Variants in SLC25A33 observed in about 807,000 individuals in gnomAD.
The protein encoded by SLC25A33 is bone marrow stromal cell mitochondrial carrier protein.
In SLC25A33, 15 loss-of-function variants were observed where a neutral mutation model predicts 35.5. The ratio of observed to expected loss-of-function variants is 0.42; its 90% CI spans 0.28 to 0.65. The LOEUF (loss-of-function observed/expected upper bound fraction) is 0.65. Ranked by LOEUF, SLC25A33 falls within the 30% of genes least tolerant of loss-of-function variation. SLC25A33 has a pLI of 0.20. For synonymous variants in SLC25A33, 136 were observed against 148.7 expected (o/e 0.91, Z 0.62); for missense variants, 257 against 398.5 (o/e 0.64, Z 3.02).
intron 1 of SLC25A33, among the ~76,000 whole-genome samples, chr1:9,549,996 C>CATAT (rs1314749490): frequency 0.053 from 3,778 of 71,706 alleles, 277 homozygotes; most frequent in South Asian, 0.11. Context: ...TTTTTCTATA[C>CATAT]ATATATATAT....
intron 2 of SLC25A33, among the ~76,000 whole-genome samples, chr1:9,560,282 C>A (rs1024091760): frequency 1.3e-5 from 2 of 149,738 alleles, no homozygotes; most frequent in Admixed American, 1.3e-4. Flanking sequence ...AGAAAAAAAA[C>A]CCATGCAAAT....
At chr1:9,551,923 C>CTA (rs907531766) in intron 1 of SLC25A33, among the ~76,000 whole-genome samples, 4 of 152,118 alleles carry the variant, frequency 2.6e-5, no homozygotes, top group African/African-American at 4.8e-5. Flanking sequence ...GAGGATGTGT[C>CTA]TATGGCCCTT....
At chr1:9,568,302 A>G (rs1460777683) in intron 3 of SLC25A33, among the ~76,000 whole-genome samples, 1 of 152,090 alleles carries the variant, frequency 6.6e-6, no homozygotes, top group African/African-American at 2.4e-5. Context: ...TCAGCCAGGC[A>G]TGGTGGCAGG....
At chr1:9,559,165 G>A (rs2100387724) in intron 2 of SLC25A33, among the ~76,000 whole-genome samples, 1 of 152,224 alleles carries the variant, frequency 6.6e-6, no homozygotes, top group South Asian at 2.1e-4. Flanking sequence ...ACTCCAGCCC[G>A]CCTTCCTGCT....
At chr1:9,569,478 T>G (rs913964225) in intron 3 of SLC25A33, among the ~76,000 whole-genome samples, 1 of 152,190 alleles carries the variant, frequency 6.6e-6, no homozygotes, top group African/African-American at 2.4e-5. Context: ...GCTCCTACAG[T>G]GTAACCCTGG....
At chr1:9,550,009 ATATT>A (rs1643241519) in intron 1 of SLC25A33, among the ~76,000 whole-genome samples, 1 of 51,864 alleles carries the variant, frequency 1.9e-5, no homozygotes, top group Non-Finnish European at 3.7e-5. Context: ...ATATATATAT[ATATT>A]TTTTTTTTTT....
At chr1:9,562,685 T>C (rs1334240502) in intron 2 of SLC25A33, among the ~76,000 whole-genome samples, 9 of 151,712 alleles carry the variant, frequency 5.9e-5, no homozygotes, top group African/African-American at 9.7e-5. Flanking sequence ...AGAAACCCTG[T>C]CTCTACTAAA....
chr1:9,562,854 C>CA (rs757742086), intron 2 of SLC25A33, among the ~76,000 whole-genome samples: 1,022 of 56,068 alleles, frequency 0.018, 14 homozygotes, highest in African/African-American at 0.052. Context: ...AACTCCGTTT[C>CA]AAAAAAAAAA....
chr1:9,544,853 C>T (rs1298630438), intron 1 of SLC25A33, among the ~76,000 whole-genome samples: 2 of 152,138 alleles, frequency 1.3e-5, no homozygotes, highest in Non-Finnish European at 2.9e-5. Flanking sequence ...GGAGCAGAGG[C>T]TGTTGTTGAA....
At chr1:9,551,543 T>G (rs890073455) in intron 1 of SLC25A33, among the ~76,000 whole-genome samples, 1 of 152,206 alleles carries the variant, frequency 6.6e-6, no homozygotes, top group African/African-American at 2.4e-5. Flanking sequence ...AGGCCTGTTT[T>G]TCCTTCCTGT....
intron 1 of SLC25A33, among the ~76,000 whole-genome samples, chr1:9,548,277 A>G (rs1277678870): frequency 1.3e-5 from 2 of 152,198 alleles, no homozygotes; most frequent in Non-Finnish European, 2.9e-5. Context: ...TATAAGACCT[A>G]TACACAAAAT....
In SLC25A33 at chr1:9,582,502, C is replaced by T. The variant is rs200121512; in HGVS notation, c.*1C>T. 81 of 1,609,220 alleles carry T rather than the reference C, an allele frequency of 5.0e-5. No homozygotes were observed. The East Asian group carries it at 1.1e-3, about 21-fold the overall frequency. On this transcript the variant is annotated 3_prime_UTR_variant, in exon 7 of 7. Coordinates refer to ENST00000302692, the MANE Select transcript of SLC25A33 (RefSeq NM_032315.3). The surrounding 1 kb of genome is among the most constrained non-coding windows in gnomAD (Gnocchi z 4.0). ...CCTGTTAGAAGACCGTACTCAGTAA[C>T]AGGCCGGAAAATTGTGCTCTAGAAG... is the stretch of plus-strand genomic sequence containing the variant.
chr1:9,566,046 T>C (rs1643498172), intron 2 of SLC25A33, among the ~76,000 whole-genome samples: 1 of 151,988 alleles, frequency 6.6e-6, no homozygotes. Flanking sequence ...TTTTTTTGTT[T>C]TTAATTTTTG....
intron 2 of SLC25A33, among the ~76,000 whole-genome samples, chr1:9,556,442 C>G (rs969064392): frequency 4.6e-5 from 7 of 152,034 alleles, no homozygotes; most frequent in African/African-American, 1.7e-4. Flanking sequence ...GGTTGAGTGT[C>G]CCTTATCTGA....
At chr1:9,567,141 G>T in intron 2 of SLC25A33, 143 bp from the exon 3 acceptor site, 1 of 706,440 alleles carries the variant, frequency 1.4e-6, no homozygotes, top group Non-Finnish European at 2.4e-6. Context: ...ATTCTGTATT[G>T]TAACCAAATC....
At chr1:9,549,236 C>T (rs1643224770) in intron 1 of SLC25A33, among the ~76,000 whole-genome samples, 1 of 151,846 alleles carries the variant, frequency 6.6e-6, no homozygotes, top group South Asian at 2.1e-4. Context: ...GCATGGGGAC[C>T]AGAGGAAGGA....
At chr1:9,570,519 G>A (rs115161668) in intron 4 of SLC25A33, among the ~76,000 whole-genome samples, 161 bp downstream of exon 4, 1,530 of 151,988 alleles carry the variant, frequency 0.01, 17 homozygotes, top group Middle Eastern at 0.017. Flanking sequence ...GAGTGAGAGC[G>A]GTTTGTAGCT....
At chr1:9,539,885 C>G (rs972043352) in intron 1 of SLC25A33, 138 bp downstream of exon 1, 11 of 786,234 alleles carry the variant, frequency 1.4e-5, no homozygotes, top group Non-Finnish European at 1.7e-5. Context: ...GGAGGAAGTC[C>G]CGGCGTCGGG....
At chr1:9,564,726 A>T (rs1406358066) in intron 2 of SLC25A33, among the ~76,000 whole-genome samples, 2 of 29,964 alleles carry the variant, frequency 6.7e-5, no homozygotes, top group Non-Finnish European at 1.1e-4. Flanking sequence ...GTCTCTATTT[A>T]AAAAAAAAAA....
Sources: gnomAD v4.1 joint callset for allele counts (sites outside exome capture counted in the v4.1 genomes callset) on GRCh38, gnomAD v4.1.1 for gene constraint, Gnocchi (gnomAD v3.1) non-coding constraint, MANE v1.5 for transcripts, NCBI Gene and HGNC (gene_info 2026-07-23, HGNC 2026-07-21) for gene names.